Variants in KLRK1 observed in about 807,000 individuals in gnomAD.
KLRK1 encodes the protein NKG2-D type II integral membrane protein.
In KLRK1, 40 loss-of-function variants were observed where a neutral mutation model predicts 31.3. The observed-to-expected ratio is 1.28, with a 90% CI of 0.99 to 1.67. The LOEUF is 1.67. Ranked by LOEUF, KLRK1 falls within the 40% of genes most tolerant of loss-of-function variation. The pLI is 0.00. For missense variants in KLRK1, 251 were observed against 260.0 expected (o/e 0.97, Z 0.24); for synonymous variants, 77 against 77.3 (o/e 1.00, Z 0.02).
At chr12:10,389,631 G>A (rs1442362160) in intron 1 of KLRK1, among the ~76,000 whole-genome samples, 2 of 152,044 alleles carry the variant, frequency 1.3e-5, no homozygotes, top group African/African-American at 4.8e-5. Context: ...AATTTAAATT[G>A]AATCTCAATT....
At chr12:10,389,103 TATTA>T (rs1206755457) in intron 1 of KLRK1, 5 of 355,474 alleles carry the variant, frequency 1.4e-5, no homozygotes, top group East Asian at 8.7e-5. Flanking sequence ...ATAATGAACC[TATTA>T]ATTCACCTAC....
intron 7 of KLRK1, among the ~76,000 whole-genome samples, chr12:10,375,299 T>C (rs540765636): frequency 2.6e-5 from 4 of 152,306 alleles, no homozygotes; most frequent in African/African-American, 9.6e-5. Flanking sequence ...TAATAGTAAG[T>C]CTGGCTCCAG....
chr12:10,379,991 C>T (rs1863040348), intron 3 of KLRK1, among the ~76,000 whole-genome samples, 199 bp from the exon 4 acceptor site: 1 of 150,520 alleles, frequency 6.6e-6, no homozygotes, highest in Admixed American at 6.6e-5. Flanking sequence ...ATATTTCCTT[C>T]TATACTTCTC....
chr12:10,388,236 G>A (rs1282890483), intron 2 of KLRK1, among the ~76,000 whole-genome samples: 1 of 152,068 alleles, frequency 6.6e-6, no homozygotes, highest in Admixed American at 6.6e-5. Context: ...TGAAGAAATT[G>A]AATGCTAGAG....
At chr12:10,385,334 G>T (rs1430515104) in intron 3 of KLRK1, among the ~76,000 whole-genome samples, 1 of 143,512 alleles carries the variant, frequency 7.0e-6, no homozygotes, top group Non-Finnish European at 1.5e-5. Context: ...ATTAACCTGT[G>T]TCCATTAACA....
rs544855204 is a variant in KLRK1 at position 10,377,019 on chromosome 12, A to G, written c.533+1113T>C. 2.1e-4 allele frequency among the ~76,000 whole-genome samples: 32 copies of G among 152,128 alleles called. No homozygotes were observed. In the South Asian group the frequency reaches 6.0e-3, roughly 29 times the overall value. ...TTTAGTAGAGACAGGGTTTCACTGC[A>G]TTGGCCAGGTTGGTCTTGAACTCAT... is the stretch of plus-strand genomic sequence containing the variant. On this transcript the variant is annotated intron_variant, in intron 7 of 7. Coordinates refer to ENST00000240618, the MANE Select transcript of KLRK1 (RefSeq NM_007360.4).
chr12:10,374,842 T>G (rs979881211), intron 7 of KLRK1, among the ~76,000 whole-genome samples: 4 of 152,246 alleles, frequency 2.6e-5, no homozygotes, highest in African/African-American at 9.6e-5. Context: ...AAATGAGTTT[T>G]ATTCTACTCA....
chr12:10,385,215 T>A (rs1863143936), intron 3 of KLRK1, among the ~76,000 whole-genome samples: 1 of 152,026 alleles, frequency 6.6e-6, no homozygotes. Flanking sequence ...AACTACCATA[T>A]GACTCAGCAA....
intron 6 of KLRK1, 150 bp downstream of exon 6, chr12:10,378,404 G>C: frequency 1.4e-6 from 2 of 1,384,380 alleles, no homozygotes; most frequent in Admixed American, 2.5e-5. Context: ...CAATTTCTGT[G>C]CTTTGTTATT....
At chr12:10,380,055 TA>T (rs1313581207) in intron 3 of KLRK1, among the ~76,000 whole-genome samples, 4 of 141,552 alleles carry the variant, frequency 2.8e-5, no homozygotes, top group Admixed American at 7.9e-5. Context: ...TTTTTGTTGT[TA>T]TTGTTTTTTT....
chr12:10,384,107 G>C lies in KLRK1; in HGVS notation c.148+2796C>G, dbSNP rs149196746. Reference sequence around the variant, plus strand: ...TAAAATACTGATGAATGAAACCAAAGAGGATGCAAAAAAATGGAAAGACAT... The same window carrying C: ...TAAAATACTGATGAATGAAACCAAACAGGATGCAAAAAAATGGAAAGACAT... On this transcript the variant is annotated intron_variant, in intron 3 of 7. Coordinates refer to ENST00000240618, the MANE Select transcript of KLRK1 (RefSeq NM_007360.4). 6.1e-3 allele frequency among the ~76,000 whole-genome samples: 925 copies of C among 152,060 alleles called. 30 individuals carry two copies. The highest frequency in any genetic ancestry group is 0.052 in the Admixed American group (787 of 15,280).
intron 5 of KLRK1, chr12:10,379,214 C>CAAAA (rs10644323): frequency 3.0e-3 from 117 of 39,630 alleles, no homozygotes; most frequent in Middle Eastern, 0.014. Flanking sequence ...GACCCCATCT[C>CAAAA]AAAAAAAAAA....
At chr12:10,380,135 G>T (rs1201545954) in intron 3 of KLRK1, among the ~76,000 whole-genome samples, 2 of 137,048 alleles carry the variant, frequency 1.5e-5, no homozygotes, top group Admixed American at 1.6e-4. Context: ...GCGCGATCTC[G>T]GCTCACTGCA....
intron 3 of KLRK1, among the ~76,000 whole-genome samples, chr12:10,380,430 G>C (rs1057040725): frequency 6.6e-6 from 1 of 152,142 alleles, no homozygotes; most frequent in African/African-American, 2.4e-5. Context: ...CATCAAGATG[G>C]CTAACTACAG....
chr12:10,383,220 A>G (rs1448719005), intron 3 of KLRK1, among the ~76,000 whole-genome samples: 1 of 152,156 alleles, frequency 6.6e-6, no homozygotes, highest in African/African-American at 2.4e-5. Flanking sequence ...GAATGGATTA[A>G]AAACAAAAAA....
chr12:10,381,935 A>G (rs1367420428), intron 3 of KLRK1: 1 of 152,304 alleles, frequency 6.6e-6, no homozygotes, highest in African/African-American at 2.4e-5. Flanking sequence ...GCCCCACCAC[A>G]TTGGAACACA....
intron 3 of KLRK1, among the ~76,000 whole-genome samples, chr12:10,386,629 A>G (rs1327256497): frequency 6.6e-6 from 1 of 151,838 alleles, no homozygotes; most frequent in Non-Finnish European, 1.5e-5. Context: ...ATTTCTATTT[A>G]GTTTTCTTTT....
At chr12:10,373,513 A>C (rs1380675491) in intron 7 of KLRK1, among the ~76,000 whole-genome samples, 2 of 152,240 alleles carry the variant, frequency 1.3e-5, no homozygotes, top group Non-Finnish European at 2.9e-5. Flanking sequence ...AAACTTTAGA[A>C]TGTTTATTTT....
intron 3 of KLRK1, among the ~76,000 whole-genome samples, chr12:10,384,363 TACA>T (rs370306263): frequency 1.4e-3 from 212 of 152,026 alleles, no homozygotes; most frequent in African/African-American, 4.8e-3. Context: ...ACGACAAAAC[TACA>T]ACAACCAAAA....
Sources: allele counts gnomAD v4.1 joint callset (sites outside exome capture counted in the v4.1 genomes callset), GRCh38; gene constraint gnomAD v4.1.1; transcripts MANE v1.5; gene names NCBI Gene and HGNC (gene_info 2026-07-23, HGNC 2026-07-21).